The following GLYAT variants were observed in gnomAD, a reference collection of about 807,000 sequenced individuals.
GLYAT encodes the protein glycine-N-acyltransferase.
A neutral mutation model predicts 22.8 loss-of-function variants in GLYAT; 25 were observed. That is an observed-to-expected ratio of 1.09 (90% CI 0.80 to 1.53). The LOEUF (loss-of-function observed/expected upper bound fraction) is 1.53, where lower values mean the gene tolerates loss of function less well. Among genes scored for constraint, GLYAT ranks in the 40% most tolerant of loss-of-function variants. The pLI is 0.00. For missense variants in GLYAT, 411 were observed against 353.9 expected, an observed-to-expected ratio of 1.16 and a Z score of -1.29; for synonymous variants, 140 against 122.7, an observed-to-expected ratio of 1.14 and a Z score of -0.93.
chr11:58,722,203 C>G (rs1050976368), intron 2 of GLYAT, among the ~76,000 whole-genome samples: 1 of 151,958 alleles, frequency 6.6e-6, no homozygotes, highest in Admixed American at 6.6e-5. Flanking sequence ...TACCAAGCAC[C>G]GATAGGAGAT....
intron 1 of GLYAT, among the ~76,000 whole-genome samples, chr11:58,726,024 C>A (rs892803536): frequency 2.0e-4 from 30 of 152,298 alleles, no homozygotes; most frequent in African/African-American, 7.2e-4. Flanking sequence ...GCTTGCCCAA[C>A]TCCTGAGGTC....
chr11:58,729,043 C>A (rs1026864274), intron 1 of GLYAT, among the ~76,000 whole-genome samples: 7 of 152,062 alleles, frequency 4.6e-5, no homozygotes, highest in Non-Finnish European at 1.0e-4. Flanking sequence ...TAAAAAGAAA[C>A]TACCTTAATA....
chr11:58,720,070 AC>A (rs2134489117), intron 2 of GLYAT, among the ~76,000 whole-genome samples: 1 of 151,930 alleles, frequency 6.6e-6, no homozygotes, highest in East Asian at 1.9e-4. Context: ...ACCTAAAAAA[AC>A]CTTTGTTAAA....
At chr11:58,724,335 CATCATAAAT>C (rs1856788390) in intron 2 of GLYAT, 72 bp downstream of exon 2, 1 of 666,216 alleles carries the variant, frequency 1.5e-6, no homozygotes, top group South Asian at 2.2e-5. Context: ...AAAATAGGTG[CATCATAAAT>C]ATCAGTCCCT....
At chr11:58,715,164 T>A in intron 3 of GLYAT, 152 bp downstream of exon 3, 1 of 551,682 alleles carries the variant, frequency 1.8e-6, no homozygotes, top group Non-Finnish European at 3.2e-6. Context: ...TGATCTATCT[T>A]GTCTTTCAGA....
At chr11:58,711,937 T>C (rs1413860527) in intron 4 of GLYAT, among the ~76,000 whole-genome samples, 1 of 152,234 alleles carries the variant, frequency 6.6e-6, no homozygotes, top group African/African-American at 2.4e-5. Flanking sequence ...TGGGCCAGCC[T>C]GCTAGCGACA....
At chr11:58,720,632 C>T (rs1440016382) in intron 2 of GLYAT, among the ~76,000 whole-genome samples, 1 of 151,946 alleles carries the variant, frequency 6.6e-6, no homozygotes, top group East Asian at 1.9e-4. Flanking sequence ...GACCAGACTG[C>T]CTAAACCCAC....
chr11:58,730,857 G>A (rs1040876660), intron 1 of GLYAT, among the ~76,000 whole-genome samples: 1 of 152,056 alleles, frequency 6.6e-6, no homozygotes, highest in Non-Finnish European at 1.5e-5. Flanking sequence ...CCTCAATAGG[G>A]GAAGATAACA....
chr11:58,715,409 G>A lies in GLYAT; in HGVS notation c.96C>T (p.Val32=). The A allele has an allele frequency of 6.4e-7, 1 of 1,557,958 alleles. No individual in the cohort carries two copies. The highest frequency in any genetic ancestry group is 8.8e-7 in the Non-Finnish European group (1 of 1,132,626). ...ATGGATTTCCATGGTTTATGTGAAA[G>A]ACAGTTCCATAAACCTGCAGGATCC... ...LPASLKVYGT[V]FHINHGNPFN... is the part of the protein sequence containing the mutation. The change falls in exon 3 of 6, where the codon GTC becomes GTT. Residue 32 remains valine (V), a synonymous_variant. Transcript: ENST00000344743.
intron 2 of GLYAT, among the ~76,000 whole-genome samples, chr11:58,721,158 T>A (rs1856745436): frequency 6.6e-6 from 1 of 151,930 alleles, no homozygotes; most frequent in Admixed American, 6.6e-5. Context: ...CCACTTTTTT[T>A]TTCTATCTTA....
At chr11:58,717,926 A>G (rs1856703732) in intron 2 of GLYAT, among the ~76,000 whole-genome samples, 1 of 152,078 alleles carries the variant, frequency 6.6e-6, no homozygotes, top group Non-Finnish European at 1.5e-5. Flanking sequence ...AATTTGTGCC[A>G]TCAAATACCT....
Position 58,709,938 on chromosome 11 carries a change from T to C in GLYAT, c.719A>G (p.His240Arg), listed in dbSNP as rs759071936. 8 of 1,614,064 alleles carry C rather than the reference T, an allele frequency of 5.0e-6. No homozygotes were observed. In the South Asian group the frequency reaches 7.7e-5, roughly 16 times the overall value. Residue 240 changes from histidine to arginine, a missense_variant, in exon 6 of 6, where the codon CAT becomes CGT. Coordinates refer to ENST00000344743, the MANE Select transcript of GLYAT (RefSeq NM_201648.3). ...ATAGATGACATACGTCACAAGGCCA[T>C]GGAGCCGGTATTCCGGCAAGGTGCC... is the stretch of plus-strand genomic sequence containing the variant. ...MAGTLPEYRL[H>R]GLVTYVIYSH...
chr11:58,724,319 T>C, intron 2 of GLYAT, 97 bp downstream of exon 2: 1 of 601,298 alleles, frequency 1.7e-6, no homozygotes, highest in Admixed American at 2.6e-5. Context: ...AAATAGTGCC[T>C]GGCTCAAAAT....
chr11:58,714,035 A>G (rs1263191794), intron 3 of GLYAT, among the ~76,000 whole-genome samples: 2 of 152,126 alleles, frequency 1.3e-5, no homozygotes, highest in African/African-American at 4.8e-5. Context: ...CCTGGAGGAC[A>G]TTATACTTAG....
In GLYAT at chr11:58,724,465, A is replaced by T. The variant is rs752612630; in HGVS notation, c.32T>A (p.Leu11Gln). MMLPLQGAQM[L>Q]QMLEKSLRKS... ...CCTCAAGGATTTCTCCAGCATCTGC[A>T]GCATCTGGGCACCTTGCAATGGTAA... The change falls in exon 2 of 6, where the codon CTG becomes CAG. Residue 11 changes from leucine to glutamine, a missense_variant. Coordinates refer to ENST00000344743, the MANE Select transcript of GLYAT (RefSeq NM_201648.3). 1.1e-5 allele frequency: 17 copies of T among 1,608,870 alleles called. No homozygotes were observed. Among genetic ancestry groups the T allele is most frequent in the Non-Finnish European group, 1.4e-5 (17 of 1,176,220 alleles).
intron 4 of GLYAT, among the ~76,000 whole-genome samples, chr11:58,712,120 C>G (rs1256830603): frequency 1.3e-5 from 2 of 152,216 alleles, no homozygotes; most frequent in African/African-American, 2.4e-5. Context: ...CCTTGCAAAG[C>G]TCAGCCCAAA....
chr11:58,722,580 T>C (rs939979525), intron 2 of GLYAT, among the ~76,000 whole-genome samples: 2 of 152,090 alleles, frequency 1.3e-5, no homozygotes, highest in African/African-American at 2.4e-5. Flanking sequence ...TTCTTTTGAG[T>C]TTCTGATTAG....
At chr11:58,715,060 C>T (rs1238255681) in intron 3 of GLYAT, among the ~76,000 whole-genome samples, 1 of 151,912 alleles carries the variant, frequency 6.6e-6, no homozygotes. Context: ...TCGGGTAGCC[C>T]CACCTTTGAC....
rs1411803185 is a variant in GLYAT, at chr11:58,717,338, A to G, written c.82-1915T>C. 1.3e-5 allele frequency among the ~76,000 whole-genome samples: 2 copies of G among 152,016 alleles called. 1 individual carries two copies. Reference sequence around the variant, plus strand: ...ATGAAGAGAAAATAGGGTGAAAGGGAGAAAAAACAACAACAAACAAAAGAA... The same window carrying G: ...ATGAAGAGAAAATAGGGTGAAAGGGGGAAAAAACAACAACAAACAAAAGAA... On this transcript the variant is annotated intron_variant, in intron 2 of 5. Coordinates refer to ENST00000344743, the MANE Select transcript of GLYAT (RefSeq NM_201648.3).
Sources: allele counts gnomAD v4.1 joint callset (sites outside exome capture counted in the v4.1 genomes callset), GRCh38; gene constraint gnomAD v4.1.1; transcripts MANE v1.5; gene names NCBI Gene and HGNC (gene_info 2026-07-23, HGNC 2026-07-21).